The following FRMD8 variants were observed in gnomAD, a reference collection of about 807,000 sequenced individuals.
FRMD8 encodes FERM domain-containing protein 8.
In FRMD8, 37 loss-of-function variants were observed where a neutral mutation model predicts 54.2. The ratio of observed to expected loss-of-function variants is 0.68; its 90% CI spans 0.53 to 0.90. The LOEUF (loss-of-function observed/expected upper bound fraction) is 0.90. FRMD8 is among the 40% of genes least tolerant of loss of function. FRMD8 has a pLI of 0.00. For synonymous variants in FRMD8, 246 were observed against 286.9 expected (o/e 0.86, Z 1.44); for missense variants, 585 against 653.7 (o/e 0.89, Z 1.15).
intron 10 of FRMD8, among the ~76,000 whole-genome samples, chr11:65,405,624 AAAAT>A (rs547447537): frequency 7.2e-5 from 11 of 152,046 alleles, no homozygotes; most frequent in East Asian, 1.9e-4. Context: ...CTCCGTCTCA[AAAAT>A]AAATAAATAA....
intron 10 of FRMD8, among the ~76,000 whole-genome samples, chr11:65,409,037 T>C (rs1171470876): frequency 6.6e-6 from 1 of 152,024 alleles, no homozygotes; most frequent in Non-Finnish European, 1.5e-5. Context: ...GGTGTAATCA[T>C]TCCGAGCCAA....
intron 6 of FRMD8, among the ~76,000 whole-genome samples, chr11:65,394,806 G>A (rs184778616): frequency 6.6e-6 from 1 of 152,302 alleles, no homozygotes; most frequent in East Asian, 1.9e-4. Flanking sequence ...CGGCAAGCTG[G>A]CTGTCCACCT....
upstream of FRMD8, among the ~76,000 whole-genome samples, chr11:65,384,830 A>T (rs1408520931): frequency 6.6e-6 from 1 of 152,108 alleles, no homozygotes; most frequent in African/African-American, 2.4e-5. Context: ...CTCCCACCTC[A>T]GGCTCCTGAA....
At chr11:65,395,852 G>A (rs1192320679) in intron 6 of FRMD8, among the ~76,000 whole-genome samples, 1 of 152,244 alleles carries the variant, frequency 6.6e-6, no homozygotes, top group East Asian at 1.9e-4. Context: ...ATGTTGCTCT[G>A]AAACCCTCCT....
intron 1 of FRMD8, 110 bp downstream of exon 1, chr11:65,386,871 C>A: frequency 7.7e-6 from 5 of 648,478 alleles, no homozygotes; most frequent in Non-Finnish European, 1.4e-5. Flanking sequence ...GCAACCCGCA[C>A]CCCTCCCACC....
At chr11:65,378,866 T>C in the FRMD8 span, 151 of 157,698 alleles carry the variant, frequency 9.6e-4, no homozygotes, top group Middle Eastern at 3.2e-3. Flanking sequence ...AGTGCCTGAA[T>C]GGTTAATGCC....
At chr11:65,388,263 T>C (rs974974835) in intron 2 of FRMD8, among the ~76,000 whole-genome samples, 12 of 152,094 alleles carry the variant, frequency 7.9e-5, no homozygotes, top group African/African-American at 2.9e-4. Flanking sequence ...GTGGAAGCTC[T>C]CCAGGTGATT....
At chr11:65,380,209 C>T in the FRMD8 span, 1 of 1,613,986 alleles carries the variant, frequency 6.2e-7, no homozygotes, top group Non-Finnish European at 8.5e-7. Context: ...GAGTGAGGGC[C>T]CTCGTGCCAG....
Position 65,393,643 on chromosome 11 carries a change from C to T in FRMD8, c.324C>T (p.Phe108=). Residue 108 remains phenylalanine, a synonymous_variant, in exon 4 of 11, where the codon TTC becomes TTT. Transcript: ENST00000317568. ...AGTGGCCGGAGCTGCTGCTGCGCTT[C>T]ACCAGTGCCCCAGACGATGACGTGG... is the stretch of plus-strand genomic sequence containing the variant. ...GRQWPELLLR[F]TSAPDDDVAM... 6.2e-7 allele frequency: 1 copy of T among 1,607,820 alleles called. No individual in the cohort carries two copies. Among genetic ancestry groups the T allele is most frequent in the Non-Finnish European group, 8.5e-7 (1 of 1,179,866 alleles).
At chr11:65,390,692 G>A (rs1428895666) in intron 3 of FRMD8, among the ~76,000 whole-genome samples, 2 of 152,104 alleles carry the variant, frequency 1.3e-5, no homozygotes, top group African/African-American at 2.4e-5. Context: ...TCCGGGCCTC[G>A]AGTCAGGACT....
chr11:65,377,453 T>A, the FRMD8 span: 19 of 1,032,990 alleles, frequency 1.8e-5, no homozygotes, highest in Non-Finnish European at 2.1e-5. Context: ...AAGTGAAGGA[T>A]TCAGCCTGTG....
At chr11:65,374,414 T>C in the FRMD8 span, among the ~76,000 whole-genome samples, 150,004 of 152,176 alleles carry the variant, frequency 0.99, 73,962 homozygotes, top group East Asian at 1. Flanking sequence ...AATTGTATGA[T>C]TTACCCGCGG....
At chr11:65,373,992 A>G in the FRMD8 span, among the ~76,000 whole-genome samples, 1 of 151,966 alleles carries the variant, frequency 6.6e-6, no homozygotes, top group South Asian at 2.1e-4. Context: ...GAAGCTTGCT[A>G]AACTGTTGCA....
chr11:65,376,504 A>T, the FRMD8 span: 1 of 1,613,890 alleles, frequency 6.2e-7, no homozygotes, highest in East Asian at 2.2e-5. Flanking sequence ...CCGGAAGAAG[A>T]CTCCCAGTCC....
rs1331536178 is a variant in FRMD8, at chr11:65,411,276, C to A, written c.1311C>A (p.Thr437=). 6.2e-7 allele frequency: 1 copy of A among 1,609,912 alleles called. No homozygotes were observed. Among genetic ancestry groups the A allele is most frequent in the Non-Finnish European group, 8.5e-7 (1 of 1,179,298 alleles). ...KGIRRVKPKR[T]TSFFSRQLSL... ...TCAGGCGAGTGAAGCCGAAGCGCAC[C>A]ACATCCTTCTTCAGCCGGCAGCTGT... Residue 437 remains threonine, a synonymous_variant, in exon 11 of 11, where the codon ACC becomes ACA. Transcript: ENST00000317568.
At chr11:65,397,041 G>T in intron 7 of FRMD8, 21 bp downstream of exon 7, 8 of 1,334,916 alleles carry the variant, frequency 6.0e-6, no homozygotes, top group South Asian at 1.5e-5. Context: ...CAGCCCCGCG[G>T]TCCCCCACCC....
chr11:65,380,696 G>A, the FRMD8 span: 1 of 917,498 alleles, frequency 1.1e-6, no homozygotes, highest in Non-Finnish European at 1.5e-6. Context: ...CCTGCCCACT[G>A]CCTAGCCCTG....
At chr11:65,397,860 G>A (rs1319185755) in intron 7 of FRMD8, among the ~76,000 whole-genome samples, 3 of 145,076 alleles carry the variant, frequency 2.1e-5, no homozygotes, top group Non-Finnish European at 3.0e-5. Flanking sequence ...CACCATGCCC[G>A]GGTAATTTTT....
Position 65,397,033 on chromosome 11 carries a change from G to A in FRMD8, c.803+13G>A, listed in dbSNP as rs902266542. ...TGCCGTTTTATGGGTAAGAGCCACA[G>A]CCCCGCGGTCCCCCACCCCCTCCGC... On this transcript the variant is annotated intron_variant, in intron 7 of 10. Coordinates refer to ENST00000317568, the MANE Select transcript of FRMD8 (RefSeq NM_031904.5). The A allele has an allele frequency of 8.6e-6, 12 of 1,392,876 alleles. No homozygotes were observed. Among genetic ancestry groups the A allele is most frequent in the Non-Finnish European group, 1.1e-5 (12 of 1,051,266 alleles). The allele number at this position is 1,392,876 out of a possible 1,614,324, so 86.3% of individuals were successfully genotyped here.
Sources: gnomAD v4.1 joint callset for allele counts (sites outside exome capture counted in the v4.1 genomes callset) on GRCh38, gnomAD v4.1.1 for gene constraint, MANE v1.5 for transcripts, NCBI Gene and HGNC (gene_info 2026-07-23, HGNC 2026-07-21) for gene names.